Variants in CDH8 observed in about 807,000 individuals in gnomAD.
CDH8 encodes cadherin-8.
Under a neutral mutation model 68.1 loss-of-function variants are expected in CDH8, and 17 were observed. The observed-to-expected ratio is 0.25, with a 90% CI of 0.17 to 0.37. The LOEUF is 0.37. Ranked by LOEUF, CDH8 falls within the 10% of genes least tolerant of loss-of-function variation. The pLI is 1.00. For synonymous variants in CDH8, 372 were observed against 365.1 expected (o/e 1.02, Z -0.21); for missense variants, 763 against 999.3 (o/e 0.76, Z 3.19).
intron 2 of CDH8, among the ~76,000 whole-genome samples, chr16:61,998,262 T>A (rs967861328): frequency 1.3e-5 from 2 of 152,218 alleles, no homozygotes; most frequent in Non-Finnish European, 2.9e-5. Context: ...TATATTGTTA[T>A]TGTTGGAAAT....
intron 8 of CDH8, among the ~76,000 whole-genome samples, chr16:61,757,116 T>C (rs769879191): frequency 4.6e-5 from 7 of 152,204 alleles, no homozygotes; most frequent in Non-Finnish European, 1.0e-4. Flanking sequence ...AGGAGAAATA[T>C]TATTAATGTT....
At chr16:61,979,059 A>G (rs1301477862) in intron 2 of CDH8, among the ~76,000 whole-genome samples, 2 of 152,058 alleles carry the variant, frequency 1.3e-5, no homozygotes, top group Non-Finnish European at 2.9e-5. Flanking sequence ...TAGAAAGAAA[A>G]AAAAAAAAAG....
At chr16:61,727,045 G>C (rs771613272) in intron 9 of CDH8, 49 bp downstream of exon 9, 1 of 1,593,596 alleles carries the variant, frequency 6.3e-7, no homozygotes, top group Admixed American at 1.7e-5. Flanking sequence ...TCAAATATGA[G>C]ACAGTTGTAT....
chr16:61,727,261 T>A, intron 8 of CDH8, 46 bp from the exon 9 acceptor site: 2 of 1,541,570 alleles, frequency 1.3e-6, no homozygotes, highest in Non-Finnish European at 1.8e-6. Context: ...TATTTCATTT[T>A]AACGTGCAAC....
chr16:61,765,712 A>G (rs1406281163), intron 8 of CDH8, among the ~76,000 whole-genome samples: 3 of 152,062 alleles, frequency 2.0e-5, no homozygotes, highest in Non-Finnish European at 4.4e-5. Context: ...CAGTACAATA[A>G]TAGACCCGTA....
intron 8 of CDH8, among the ~76,000 whole-genome samples, chr16:61,772,796 CA>C (rs1189264310): frequency 9.2e-5 from 14 of 151,984 alleles, no homozygotes; most frequent in Admixed American, 7.9e-4. Flanking sequence ...GTTAGAAATA[CA>C]AATTCCTGGC....
intron 8 of CDH8, among the ~76,000 whole-genome samples, chr16:61,744,574 G>C (rs1482421990): frequency 6.6e-6 from 1 of 151,516 alleles, no homozygotes; most frequent in Non-Finnish European, 1.5e-5. Flanking sequence ...ATATGGGTTT[G>C]GATTTCTTTT....
In CDH8 at chr16:61,653,881, C is replaced by T. The variant is rs1468704856; in HGVS notation, c.2127G>A (p.Arg709=). The T allele has an allele frequency of 1.2e-6, 2 of 1,614,214 alleles. No homozygotes were observed. Among genetic ancestry groups the T allele is most frequent in the Non-Finnish European group, 1.7e-6 (2 of 1,180,038 alleles). ...CATTTGGAACTGGAGCAAGCCCTTG[C>T]CTTGGCATAAACTGCAAATCTGGTT... The part of the protein sequence containing the change: ...DIKPDLQFMP[R]QGLAPVPNGV... The change falls in exon 12 of 12, where the codon AGG becomes AGA. Residue 709 remains arginine (R), a synonymous_variant. Coordinates refer to ENST00000577390, the MANE Select transcript of CDH8 (RefSeq NM_001796.5).
chr16:61,979,262 G>GAC (rs1161801491), intron 2 of CDH8, among the ~76,000 whole-genome samples: 2 of 152,170 alleles, frequency 1.3e-5, no homozygotes, highest in Non-Finnish European at 2.9e-5. Flanking sequence ...CGGATAACAT[G>GAC]ACACAGGTGG....
intron 3 of CDH8, among the ~76,000 whole-genome samples, chr16:61,864,541 C>A (rs935192877): frequency 6.6e-6 from 1 of 152,126 alleles, no homozygotes; most frequent in African/African-American, 2.4e-5. Context: ...GCAAATTCCC[C>A]CAGCAGGAAG....
chr16:62,021,749 A>G (rs1057397015), intron 1 of CDH8, 147 bp from the exon 2 acceptor site: 2 of 410,460 alleles, frequency 4.9e-6, no homozygotes, highest in Non-Finnish European at 8.4e-6. Flanking sequence ...GAATTAGAAT[A>G]AGTAGCCTAG....
At chr16:61,758,675 C>T (rs537009254) in intron 8 of CDH8, among the ~76,000 whole-genome samples, 57 of 152,180 alleles carry the variant, frequency 3.7e-4, no homozygotes, top group South Asian at 1.7e-3. Context: ...TCAAGTGATC[C>T]GCCCACCTCG....
chr16:61,700,444 G>T (rs536521389), intron 10 of CDH8, among the ~76,000 whole-genome samples: 40 of 151,840 alleles, frequency 2.6e-4, no homozygotes, highest in African/African-American at 9.4e-4. Context: ...CAACGCCCAG[G>T]TAATTTTTGT....
chr16:61,719,828 T>C (rs1282385975), intron 9 of CDH8, among the ~76,000 whole-genome samples: 1 of 150,926 alleles, frequency 6.6e-6, no homozygotes, highest in Non-Finnish European at 1.5e-5. Flanking sequence ...TGAAGGAAAT[T>C]TGAAAGATTT....
chr16:61,879,774 C>T (rs550517946), intron 3 of CDH8, among the ~76,000 whole-genome samples: 19 of 152,096 alleles, frequency 1.2e-4, no homozygotes, highest in East Asian at 1.9e-4. Context: ...TGATAGGCCC[C>T]GAAAAACAAC....
At chr16:61,972,567 T>TGTGGG (rs1372069209) in intron 2 of CDH8, among the ~76,000 whole-genome samples, 1 of 84,452 alleles carries the variant, frequency 1.2e-5, no homozygotes, top group Non-Finnish European at 2.3e-5. Flanking sequence ...GGGAACACAT[T>TGTGGG]GTGGGTGTGT....
chr16:61,749,058 A>G (rs180681832), intron 8 of CDH8, among the ~76,000 whole-genome samples: 78 of 152,226 alleles, frequency 5.1e-4, no homozygotes, highest in African/African-American at 1.8e-3. Context: ...GGCTTACAAT[A>G]TTGAGGTAAG....
At chr16:61,954,806 A>G (rs188835444) in intron 2 of CDH8, among the ~76,000 whole-genome samples, 1 of 152,224 alleles carries the variant, frequency 6.6e-6, no homozygotes, top group Non-Finnish European at 1.5e-5. Flanking sequence ...TAATTATTCA[A>G]TTGTTGAATT....
intron 4 of CDH8, among the ~76,000 whole-genome samples, chr16:61,839,435 T>C (rs1005078442): frequency 6.6e-6 from 1 of 152,214 alleles, no homozygotes. Context: ...TCTTCATGTA[T>C]TCAAATGATC....
Sources: allele counts gnomAD v4.1 joint callset (sites outside exome capture counted in the v4.1 genomes callset), GRCh38; gene constraint gnomAD v4.1.1; transcripts MANE v1.5; gene names NCBI Gene and HGNC (gene_info 2026-07-23, HGNC 2026-07-21).